Variants in MBOAT1 observed in about 807,000 individuals in gnomAD.
MBOAT1 encodes membrane-bound glycerophospholipid O-acyltransferase 1.
In MBOAT1, 67 loss-of-function variants were observed where a neutral mutation model predicts 64.4. The ratio of observed to expected loss-of-function variants is 1.04; its 90% CI spans 0.85 to 1.27. MBOAT1 has a LOEUF of 1.27. MBOAT1 is among the 50% of genes most tolerant of loss of function. MBOAT1 has a pLI of 0.00. For missense variants in MBOAT1, 563 were observed against 604.6 expected, an observed-to-expected ratio of 0.93 and a Z score of 0.72; for synonymous variants, 229 against 218.9, an observed-to-expected ratio of 1.05 and a Z score of -0.41.
At chr6:20,190,195 A>T (rs1043199850) in intron 1 of MBOAT1, among the ~76,000 whole-genome samples, 3 of 152,036 alleles carry the variant, frequency 2.0e-5, no homozygotes, top group Non-Finnish European at 4.4e-5. Context: ...GAGTTCCACT[A>T]TGTTGGCCAG....
Position 20,124,177 on chromosome 6 carries a change from T to C in MBOAT1, c.907+231A>G, listed in dbSNP as rs112613017. On this transcript the variant is annotated intron_variant, in intron 8 of 12. Transcript: ENST00000324607. ...CAAGTTTTGACATCTGCTAATAACA[T>C]TGGGTTTAAACAACAGCCAGGGTGT... is the stretch of plus-strand genomic sequence containing the variant. 4.6e-5 allele frequency among the ~76,000 whole-genome samples: 7 copies of C among 152,326 alleles called. No homozygotes were observed. The South Asian group carries it at 1.0e-3, about 23-fold the overall frequency.
At position 20,100,002 on chromosome 6, in the gene MBOAT1, C is replaced by A. The variant is rs1030078690; in HGVS notation, c.*2284G>T. On this transcript the variant is annotated 3_prime_UTR_variant, in exon 13 of 13. Transcript: ENST00000324607. ...ACATATAGCATCCATAAGCTCAACT[C>A]CTAGAGGTTTGACTTCTCCTCATCC... is the stretch of plus-strand genomic sequence containing the variant. Among the ~76,000 whole-genome samples, 4 of 152,158 alleles carry A rather than the reference C, an allele frequency of 2.6e-5. No homozygotes were observed. Among genetic ancestry groups the A allele is most frequent in the Non-Finnish European group, 5.9e-5 (4 of 68,036 alleles).
chr6:20,206,204 C>T (rs990320124), intron 1 of MBOAT1, among the ~76,000 whole-genome samples: 1 of 152,062 alleles, frequency 6.6e-6, no homozygotes, highest in African/African-American at 2.4e-5. Flanking sequence ...GATGGAGTCT[C>T]GCTCTGTCAC....
chr6:20,150,658 G>T (rs1185319250), intron 3 of MBOAT1, among the ~76,000 whole-genome samples: 1 of 150,214 alleles, frequency 6.7e-6, no homozygotes, highest in Non-Finnish European at 1.5e-5. Flanking sequence ...TGCCTCCTGG[G>T]TTCAAGTGAT....
chr6:20,149,677 G>A (rs1013776938), intron 3 of MBOAT1, among the ~76,000 whole-genome samples: 15 of 152,058 alleles, frequency 9.9e-5, no homozygotes, highest in Non-Finnish European at 5.9e-5. Context: ...ATTAGAATTC[G>A]AATTTTCAGA....
At chr6:20,131,518 G>A (rs1338205913) in intron 4 of MBOAT1, among the ~76,000 whole-genome samples, 1 of 152,054 alleles carries the variant, frequency 6.6e-6, no homozygotes, top group Admixed American at 6.5e-5. Flanking sequence ...GTTTCCTGAG[G>A]CCTCCTCAGC....
At chr6:20,169,155 G>A (rs964303633) in intron 1 of MBOAT1, among the ~76,000 whole-genome samples, 2 of 152,114 alleles carry the variant, frequency 1.3e-5, no homozygotes, top group Non-Finnish European at 2.9e-5. Context: ...AATACTACTT[G>A]CTATTTAAGA....
rs558397863 is a variant in MBOAT1 at position 20,195,603 on chromosome 6, G to T, written c.99+16533C>A. 1.5e-3 allele frequency among the ~76,000 whole-genome samples: 143 copies of T among 95,438 alleles called. 1 individual carries two copies. Among genetic ancestry groups the T allele is most frequent in the African/African-American group, 4.5e-3 (136 of 30,432 alleles). The allele number at this position is 95,438 out of a possible 152,430, so 62.6% of individuals were successfully genotyped here. ...CTCTCAGCTGACAGGAAAATAAATT[G>T]CCTGTGTGTGTGTGTGTGTGTGTGT... On this transcript the variant is annotated intron_variant, in intron 1 of 12. Transcript: ENST00000324607.
intron 1 of MBOAT1, among the ~76,000 whole-genome samples, chr6:20,164,088 T>G (rs1481544519): frequency 2.6e-5 from 4 of 151,630 alleles, no homozygotes; most frequent in Non-Finnish European, 5.9e-5. Flanking sequence ...GTACATAATA[T>G]ATACTTATGT....
intron 12 of MBOAT1, among the ~76,000 whole-genome samples, chr6:20,107,603 G>A (rs186193797): frequency 6.6e-6 from 1 of 152,158 alleles, no homozygotes; most frequent in Non-Finnish European, 1.5e-5. Context: ...TATCACCCCA[G>A]TGAGAGCAGA....
At chr6:20,133,932 C>T (rs1028341437) in intron 4 of MBOAT1, among the ~76,000 whole-genome samples, 1 of 152,180 alleles carries the variant, frequency 6.6e-6, no homozygotes, top group Non-Finnish European at 1.5e-5. Flanking sequence ...TCAGGCTGCT[C>T]CCAGCTATGA....
chr6:20,137,213 C>T (rs1761022440), intron 4 of MBOAT1, among the ~76,000 whole-genome samples: 1 of 152,164 alleles, frequency 6.6e-6, no homozygotes, highest in African/African-American at 2.4e-5. Context: ...CTCCCACTAG[C>T]AGTACATAAG....
chr6:20,145,085 T>C (rs866119168), intron 3 of MBOAT1, among the ~76,000 whole-genome samples: 1 of 152,228 alleles, frequency 6.6e-6, no homozygotes, highest in Non-Finnish European at 1.5e-5. Context: ...AGCTGTGCAA[T>C]GAATGATTAT....
chr6:20,151,099 AGGTCC>A, intron 3 of MBOAT1, 81 bp downstream of exon 3: 4 of 943,410 alleles, frequency 4.2e-6, no homozygotes, highest in Non-Finnish European at 6.7e-6. Context: ...AAAATGGGTA[AGGTCC>A]ATCTTTACAC....
chr6:20,157,773 CTT>C (rs1052155082), intron 1 of MBOAT1, among the ~76,000 whole-genome samples: 2 of 151,784 alleles, frequency 1.3e-5, no homozygotes, highest in African/African-American at 4.8e-5. Context: ...AAAAAAGACA[CTT>C]TTTATAGACA....
intron 1 of MBOAT1, among the ~76,000 whole-genome samples, chr6:20,171,431 T>C (rs1371246946): frequency 3.4e-5 from 5 of 148,960 alleles, no homozygotes; most frequent in African/African-American, 1.2e-4. Context: ...TGCACACCTG[T>C]AGTCCCAGCT....
chr6:20,113,297 G>C (rs1399400550), intron 10 of MBOAT1, among the ~76,000 whole-genome samples: 2 of 152,150 alleles, frequency 1.3e-5, no homozygotes, highest in Non-Finnish European at 2.9e-5. Context: ...ATCTGTTACA[G>C]GTCTGAGTGA....
At chr6:20,165,544 C>G (rs1761991647) in intron 1 of MBOAT1, among the ~76,000 whole-genome samples, 1 of 151,828 alleles carries the variant, frequency 6.6e-6, no homozygotes, top group African/African-American at 2.4e-5. Flanking sequence ...GGAGTTCAAG[C>G]CCAGCCTTTC....
At chr6:20,161,007 G>A (rs1344658848) in intron 1 of MBOAT1, among the ~76,000 whole-genome samples, 3 of 152,204 alleles carry the variant, frequency 2.0e-5, no homozygotes. Context: ...CCACAGACCA[G>A]TACTGGTCCA....
Sources: gnomAD v4.1 joint callset for allele counts (sites outside exome capture counted in the v4.1 genomes callset) on GRCh38, gnomAD v4.1.1 for gene constraint, MANE v1.5 for transcripts, NCBI Gene and HGNC (gene_info 2026-07-23, HGNC 2026-07-21) for gene names.